Variants in ST8SIA5 observed in about 807,000 individuals in gnomAD.
The protein encoded by ST8SIA5 is alpha-2,8-sialyltransferase 8E.
A neutral mutation model predicts 40.2 loss-of-function variants in ST8SIA5; 24 were observed. The ratio of observed to expected loss-of-function variants is 0.60; its 90% CI spans 0.43 to 0.84. ST8SIA5 has a LOEUF of 0.84. Among genes scored for constraint, ST8SIA5 ranks in the 40% least tolerant of loss-of-function variants. The pLI is 0.00. For synonymous variants in ST8SIA5, 198 were observed against 201.8 expected (o/e 0.98, Z 0.16); for missense variants, 465 against 498.5 (o/e 0.93, Z 0.64).
At chr18:46,749,997 C>G (rs1331851953) in intron 1 of ST8SIA5, among the ~76,000 whole-genome samples, 1 of 152,326 alleles carries the variant, frequency 6.6e-6, no homozygotes, top group Admixed American at 6.5e-5. Context: ...CATGCTATCA[C>G]CTTGATCTTG....
intron 1 of ST8SIA5, among the ~76,000 whole-genome samples, chr18:46,718,918 C>T (rs1332891373): frequency 6.6e-6 from 1 of 152,156 alleles, no homozygotes; most frequent in Non-Finnish European, 1.5e-5. Context: ...ACAGCTGCTG[C>T]CAGGAGCTGT....
intron 1 of ST8SIA5, among the ~76,000 whole-genome samples, chr18:46,706,015 TG>T (rs2039666926): frequency 1.3e-5 from 2 of 152,182 alleles, no homozygotes; most frequent in South Asian, 4.1e-4. Context: ...TTAAAAATAT[TG>T]GTATTTTTAT....
At chr18:46,716,951 G>A (rs1230443837) in intron 1 of ST8SIA5, among the ~76,000 whole-genome samples, 2 of 152,240 alleles carry the variant, frequency 1.3e-5, no homozygotes, top group African/African-American at 4.8e-5. Flanking sequence ...CAGAAGCTGA[G>A]TGAAGCCCTT....
intron 1 of ST8SIA5, among the ~76,000 whole-genome samples, chr18:46,713,674 G>A (rs2039756208): frequency 6.6e-6 from 1 of 152,204 alleles, no homozygotes; most frequent in Non-Finnish European, 1.5e-5. Flanking sequence ...AGAGGAGGGA[G>A]CATTTCCAGG....
At chr18:46,742,297 TG>T (rs2040094559) in intron 1 of ST8SIA5, among the ~76,000 whole-genome samples, 1 of 151,982 alleles carries the variant, frequency 6.6e-6, no homozygotes, top group African/African-American at 2.4e-5. Context: ...TAACTCAAAA[TG>T]GGTCAAAGAT....
At chr18:46,728,683 A>C (rs2039956242) in intron 1 of ST8SIA5, among the ~76,000 whole-genome samples, 1 of 152,150 alleles carries the variant, frequency 6.6e-6, no homozygotes, top group Non-Finnish European at 1.5e-5. Flanking sequence ...CATCCTTGCA[A>C]ACCACCTCCA....
chr18:46,718,329 CAAA>C (rs34073971), intron 1 of ST8SIA5, among the ~76,000 whole-genome samples: 3 of 128,660 alleles, frequency 2.3e-5, no homozygotes, highest in Non-Finnish European at 1.6e-5. Flanking sequence ...AACTCTGTCT[CAAA>C]AAAAAAAAAA....
At position 46,671,791 on chromosome 18, in the gene ST8SIA5, T is replaced by A. The variant is rs1236858415; in HGVS notation, c.*8251A>T. 6.6e-6 allele frequency: 1 copy of A among 152,228 alleles called. No individual in the cohort carries two copies. The highest frequency in any genetic ancestry group is 6.5e-5 in the Admixed American group (1 of 15,288). The allele number at this position is 152,228 out of a possible 1,614,324, so 9.4% of individuals were successfully genotyped here. A position where few individuals can be genotyped will look rare whatever the true frequency, so the allele number is the denominator to read the frequency against. On this transcript the variant is annotated 3_prime_UTR_variant, in exon 7 of 7. Transcript: ENST00000315087. ...GTTCAGAAAAAGAAAAGCTGGTACC[T>A]TTAAGAAGTCTCACGCCTGAGTCAG...
chr18:46,705,125 C>T (rs1008293909), intron 1 of ST8SIA5, among the ~76,000 whole-genome samples: 2 of 152,210 alleles, frequency 1.3e-5, no homozygotes, highest in African/African-American at 2.4e-5. Context: ...ATCCTCGTGC[C>T]TACACTGTGA....
chr18:46,749,302 T>A (rs771777556), intron 1 of ST8SIA5, among the ~76,000 whole-genome samples: 1 of 152,220 alleles, frequency 6.6e-6, no homozygotes, highest in African/African-American at 2.4e-5. Context: ...TGGTGGTAGA[T>A]GTGCAACTGT....
intron 1 of ST8SIA5, among the ~76,000 whole-genome samples, chr18:46,736,819 T>C (rs2040039087): frequency 6.6e-6 from 1 of 151,974 alleles, no homozygotes. Context: ...GCTGACCCAG[T>C]GTGGCATTAA....
At chr18:46,733,911 A>G (rs532158674) in intron 1 of ST8SIA5, among the ~76,000 whole-genome samples, 8 of 152,100 alleles carry the variant, frequency 5.3e-5, no homozygotes, top group African/African-American at 1.7e-4. Flanking sequence ...GGTGAGTCCA[A>G]TTTCATCTCT....
chr18:46,739,964 C>A (rs1279444662), intron 1 of ST8SIA5, among the ~76,000 whole-genome samples: 1 of 152,156 alleles, frequency 6.6e-6, no homozygotes. Flanking sequence ...GAGGCTTTCT[C>A]TGGAACTGTA....
chr18:46,695,163 G>A (rs661870), intron 2 of ST8SIA5, among the ~76,000 whole-genome samples: 220 of 137,284 alleles, frequency 1.6e-3, no homozygotes, highest in Non-Finnish European at 1.9e-3. Context: ...CATCTCAAAA[G>A]AAAAAAAAAA....
chr18:46,697,958 T>C (rs144667791), intron 2 of ST8SIA5, among the ~76,000 whole-genome samples: 3 of 152,212 alleles, frequency 2.0e-5, no homozygotes, highest in Non-Finnish European at 4.4e-5. Flanking sequence ...TATCCCTAGA[T>C]GCTAAAAGAT....
At chr18:46,747,560 G>T (rs965124023) in intron 1 of ST8SIA5, among the ~76,000 whole-genome samples, 1 of 152,160 alleles carries the variant, frequency 6.6e-6, no homozygotes, top group Non-Finnish European at 1.5e-5. Context: ...TCATTAAAAA[G>T]TCAGGAAACA....
chr18:46,733,579 T>G (rs2040005211), intron 1 of ST8SIA5, among the ~76,000 whole-genome samples: 4 of 146,766 alleles, frequency 2.7e-5, no homozygotes, highest in African/African-American at 7.6e-5. Context: ...CGCTAAAGGG[T>G]GAAAGGTGTT....
intron 1 of ST8SIA5, among the ~76,000 whole-genome samples, chr18:46,711,518 T>C (rs571627293): frequency 6.6e-4 from 100 of 152,274 alleles, no homozygotes; most frequent in African/African-American, 2.4e-3. Flanking sequence ...GCCATCGTTC[T>C]CTGGGGGGTT....
chr18:46,692,658 C>A (rs553987954), intron 2 of ST8SIA5, among the ~76,000 whole-genome samples: 1 of 152,272 alleles, frequency 6.6e-6, no homozygotes, highest in African/African-American at 2.4e-5. Context: ...CCGCTTCGGT[C>A]TCCCAAAGTG....
Sources: allele counts gnomAD v4.1 joint callset (sites outside exome capture counted in the v4.1 genomes callset), GRCh38; gene constraint gnomAD v4.1.1; transcripts MANE v1.5; gene names NCBI Gene and HGNC (gene_info 2026-07-23, HGNC 2026-07-21).